The following SGCZ variants were observed in gnomAD, a reference collection of about 807,000 sequenced individuals.
SGCZ encodes the protein zeta-sarcoglycan.
SGCZ carries 40 observed loss-of-function variants against 41.3 expected under a neutral mutation model. The ratio of observed to expected loss-of-function variants is 0.97; its 90% CI spans 0.75 to 1.26. The LOEUF (loss-of-function observed/expected upper bound fraction) is 1.26. SGCZ is among the 50% of genes most tolerant of loss of function. The probability of loss-of-function intolerance (pLI) is 0.00; values close to 1 mark genes in which losing one functional copy is unlikely to be tolerated. For missense variants in SGCZ, 552 were observed against 369.8 expected, an observed-to-expected ratio of 1.49 and a Z score of -4.04; for synonymous variants, 206 against 137.5, an observed-to-expected ratio of 1.50 and a Z score of -3.49.
At chr8:15,207,543 C>A (rs1461267198) in intron 1 of SGCZ, among the ~76,000 whole-genome samples, 1 of 151,740 alleles carries the variant, frequency 6.6e-6, no homozygotes, top group Non-Finnish European at 1.5e-5. Flanking sequence ...CTCGGTGGTG[C>A]CCACAGGACA....
chr8:15,000,361 G>C (rs1450622029), intron 1 of SGCZ, among the ~76,000 whole-genome samples: 1 of 152,172 alleles, frequency 6.6e-6, no homozygotes, highest in African/African-American at 2.4e-5. Context: ...CCAGTTTAGA[G>C]GGTGTCCTAG....
chr8:14,883,530 A>T (rs988024365), intron 1 of SGCZ, among the ~76,000 whole-genome samples: 5 of 152,172 alleles, frequency 3.3e-5, no homozygotes, highest in African/African-American at 1.2e-4. Context: ...TAGTAATGAC[A>T]AAGGGCCAGA....
chr8:14,434,460 G>C lies in SGCZ; in HGVS notation c.235-110256C>G, dbSNP rs181368878. On this transcript the variant is annotated intron_variant, in intron 2 of 7. Transcript: ENST00000382080. ...GCTTAGACCATGTCGGCTGTTTTTG[G>C]GTTCCATATGAATTTTAGGATTGCT... Among the ~76,000 whole-genome samples the C allele has an allele frequency of 5.3e-3, 801 of 152,128 alleles. 6 individuals are homozygous for C. Among genetic ancestry groups the C allele is most frequent in the African/African-American group, 0.017 (716 of 41,512 alleles).
At chr8:14,996,006 T>C (rs143991355) in intron 1 of SGCZ, among the ~76,000 whole-genome samples, 3,360 of 151,988 alleles carry the variant, frequency 0.022, 144 homozygotes, top group African/African-American at 0.076. Context: ...CGGGTTCAGG[T>C]GATTCTCCTG....
rs188195296 is a variant in SGCZ at position 15,199,443 on chromosome 8, C to T, written c.39+38142G>A. 3.9e-5 allele frequency among the ~76,000 whole-genome samples: 6 copies of T among 152,160 alleles called. No individual in the cohort carries two copies. In the East Asian group the frequency reaches 5.8e-4, roughly 15 times the overall value. On this transcript the variant is annotated intron_variant, in intron 1 of 7. Transcript: ENST00000382080. ...TTTAAATTTGTGTAATAAAGTTGAG[C>T]GATACCATTACTTATGAGATTCGAA... is the stretch of plus-strand genomic sequence containing the variant.
At chr8:14,967,974 G>C (rs1328438786) in intron 1 of SGCZ, among the ~76,000 whole-genome samples, 1 of 152,020 alleles carries the variant, frequency 6.6e-6, no homozygotes, top group Non-Finnish European at 1.5e-5. Context: ...GTAAACATTT[G>C]TTTTAAGTAA....
intron 1 of SGCZ, among the ~76,000 whole-genome samples, chr8:15,147,125 G>A (rs1210431105): frequency 1.3e-5 from 2 of 152,204 alleles, no homozygotes; most frequent in South Asian, 2.1e-4. Context: ...TATCCAAGCA[G>A]TATACCTATG....
At chr8:14,848,522 A>C (rs1166204592) in intron 1 of SGCZ, among the ~76,000 whole-genome samples, 1 of 152,230 alleles carries the variant, frequency 6.6e-6, no homozygotes, top group East Asian at 1.9e-4. Context: ...GATCAATAGA[A>C]GAGAATAGAC....
At chr8:14,610,090 G>A (rs1289271202) in intron 1 of SGCZ, among the ~76,000 whole-genome samples, 4 of 152,184 alleles carry the variant, frequency 2.6e-5, no homozygotes, top group Non-Finnish European at 4.4e-5. Flanking sequence ...CCTGGGCCCT[G>A]CTGGAAATCT....
chr8:14,437,039 G>T (rs548165616), intron 2 of SGCZ, among the ~76,000 whole-genome samples: 35 of 152,084 alleles, frequency 2.3e-4, no homozygotes, highest in Non-Finnish European at 4.3e-4. Flanking sequence ...TAGACTCCCA[G>T]AATTAAAATA....
At chr8:14,755,865 A>T (rs566080142) in intron 1 of SGCZ, among the ~76,000 whole-genome samples, 11 of 151,152 alleles carry the variant, frequency 7.3e-5, no homozygotes, top group Non-Finnish European at 1.6e-4. Context: ...ACAAGAAACT[A>T]AAAAAAAAGT....
intron 1 of SGCZ, among the ~76,000 whole-genome samples, chr8:14,571,874 A>T (rs957311248): frequency 6.6e-6 from 1 of 152,210 alleles, no homozygotes; most frequent in Non-Finnish European, 1.5e-5. Flanking sequence ...ACCAACAGCC[A>T]ATGCAGTCCA....
chr8:15,114,148 T>C (rs1223946055), intron 1 of SGCZ, among the ~76,000 whole-genome samples: 1 of 152,200 alleles, frequency 6.6e-6, no homozygotes, highest in Non-Finnish European at 1.5e-5. Flanking sequence ...CTAACTTGCA[T>C]CCGAATATAT....
chr8:14,748,585 C>T (rs1278767882), intron 1 of SGCZ, among the ~76,000 whole-genome samples: 1 of 151,892 alleles, frequency 6.6e-6, no homozygotes, highest in Non-Finnish European at 1.5e-5. Context: ...TGTTTCTCTG[C>T]CAGAAAAATA....
chr8:14,881,582 T>C (rs1238414792), intron 1 of SGCZ, among the ~76,000 whole-genome samples: 1 of 152,218 alleles, frequency 6.6e-6, no homozygotes, highest in Middle Eastern at 3.4e-3. Context: ...TAGAGTTGCC[T>C]TGCATTGGCC....
chr8:15,116,176 T>C (rs1470362983), intron 1 of SGCZ, among the ~76,000 whole-genome samples: 2 of 152,212 alleles, frequency 1.3e-5, no homozygotes, highest in African/African-American at 2.4e-5. Context: ...CTACATCCCA[T>C]ACAACTCTTC....
chr8:14,514,235 C>G (rs1802547213), intron 2 of SGCZ, among the ~76,000 whole-genome samples: 1 of 151,960 alleles, frequency 6.6e-6, no homozygotes, highest in African/African-American at 2.4e-5. Flanking sequence ...TTATTTTAAG[C>G]AAGCACTTGA....
chr8:14,336,500 T>C (rs1802512173), intron 2 of SGCZ, among the ~76,000 whole-genome samples: 1 of 152,122 alleles, frequency 6.6e-6, no homozygotes, highest in Non-Finnish European at 1.5e-5. Flanking sequence ...TTTTAGCTCT[T>C]TGAGAAACTG....
At chr8:14,639,941 G>A (rs1397701842) in intron 1 of SGCZ, among the ~76,000 whole-genome samples, 1 of 151,628 alleles carries the variant, frequency 6.6e-6, no homozygotes, top group Non-Finnish European at 1.5e-5. Context: ...TATTAGAAAT[G>A]ACAGACAGTA....
Sources: gnomAD v4.1 joint callset for allele counts (sites outside exome capture counted in the v4.1 genomes callset) on GRCh38, gnomAD v4.1.1 for gene constraint, MANE v1.5 for transcripts, NCBI Gene and HGNC (gene_info 2026-07-23, HGNC 2026-07-21) for gene names.